Variants in C10orf90 observed in about 807,000 individuals in gnomAD.
C10orf90 encodes chromosome 10 open reading frame 90, also known as (E2-independent) E3 ubiquitin-conjugating enzyme FATS.
A neutral mutation model predicts 62.5 loss-of-function variants in C10orf90; 56 were observed. The ratio of observed to expected loss-of-function variants is 0.90; its 90% confidence interval spans 0.72 to 1.12. The LOEUF (loss-of-function observed/expected upper bound fraction) is 1.12. C10orf90 is among the 50% of genes most tolerant of loss of function. The pLI, the probability that C10orf90 is intolerant of heterozygous loss-of-function variation, is 0.00. For missense variants in C10orf90, 970 were observed against 880.4 expected (o/e 1.10, Z -1.29); for synonymous variants, 386 against 340.4 (o/e 1.13, Z -1.47).
At chr10:126,526,343 C>T (rs1037400662) in intron 2 of C10orf90, among the ~76,000 whole-genome samples, 4 of 151,632 alleles carry the variant, frequency 2.6e-5, no homozygotes, top group African/African-American at 7.3e-5. Context: ...CTCCCAGGCT[C>T]ACGCCATTCT....
At chr10:126,580,673 T>A (rs1844729991) in intron 2 of C10orf90, among the ~76,000 whole-genome samples, 1 of 147,136 alleles carries the variant, frequency 6.8e-6, no homozygotes, top group Non-Finnish European at 1.5e-5. Flanking sequence ...AAAAAGACAT[T>A]AAGACAAGAT....
chr10:126,473,523 G>T (rs1305513321), intron 4 of C10orf90, among the ~76,000 whole-genome samples: 2 of 152,158 alleles, frequency 1.3e-5, no homozygotes, highest in Non-Finnish European at 2.9e-5. Flanking sequence ...ATGTGGATGT[G>T]AAGGCTGGAG....
chr10:126,501,412 G>A (rs1183228598), intron 4 of C10orf90, among the ~76,000 whole-genome samples: 1 of 152,176 alleles, frequency 6.6e-6, no homozygotes, highest in East Asian at 1.9e-4. Flanking sequence ...GTAGGTGAAG[G>A]TGTGCATTTG....
chr10:126,487,824 T>A (rs1357049083), intron 4 of C10orf90, among the ~76,000 whole-genome samples: 2 of 152,144 alleles, frequency 1.3e-5, no homozygotes, highest in Non-Finnish European at 2.9e-5. Context: ...AAAGTCCAAT[T>A]TGTGAGAATC....
Position 126,523,591 on chromosome 10 carries a change from A to T in C10orf90, c.314-9652T>A, listed in dbSNP as rs575497570. The T allele has an allele frequency of 3.3e-5, 5 of 152,364 alleles. No individual in the cohort carries two copies. In the East Asian group the frequency reaches 9.6e-4, roughly 29 times the overall value. 9.4% of individuals were successfully genotyped at this position (152,364 alleles called of 1,614,324 possible). A position where few individuals can be genotyped will look rare whatever the true frequency, so the allele number is the denominator to read the frequency against. On this transcript the variant is annotated intron_variant, in intron 2 of 9. Coordinates refer to ENST00000488181, the MANE Select transcript of C10orf90 (RefSeq NM_001350921.2). The stretch of plus-strand genomic sequence containing the variant: ...TTTTGAAACCTGTGATAAAATACAC[A>T]TAAAATGTACCATGTTCATCATTTC...
Position 126,476,459 on chromosome 10 carries a change from C to T in C10orf90, c.1535-11473G>A, listed in dbSNP as rs1449918704. Among the ~76,000 whole-genome samples the T allele has an allele frequency of 3.3e-5, 5 of 152,268 alleles. No individual in the cohort carries two copies. The East Asian group carries it at 7.7e-4, about 24-fold the overall frequency. ...AGTCACTAAGAATAAATCAAGCCAC[C>T]AAAGGAGCCCGCGTCAGTGCAGGCC... is the stretch of plus-strand genomic sequence containing the variant. On this transcript the variant is annotated intron_variant, in intron 4 of 9. Transcript: ENST00000488181.
chr10:126,503,259 C>T (rs1325782110), intron 4 of C10orf90, among the ~76,000 whole-genome samples: 7 of 152,136 alleles, frequency 4.6e-5, no homozygotes, highest in Non-Finnish European at 1.5e-5. Context: ...TCAGGGCAAC[C>T]CATCCTGGGA....
Position 126,426,054 on chromosome 10 carries a change from TTTTTTC to T in C10orf90, c.2283_2288del (p.Lys762_Lys763del), listed in dbSNP as rs777386692. Reference sequence around the variant, plus strand: ...AGATCACCCTTTTCCTTTGTTCTTCTTTTTTCTTTTTAACTTCCGGCAAGTTATCAT... The same window carrying T: ...AGATCACCCTTTTCCTTTGTTCTTCTTTTTTAACTTCCGGCAAGTTATCAT... On this transcript the variant is annotated inframe_deletion, in exon 9 of 10. Transcript: ENST00000488181. The T allele has an allele frequency of 3.1e-6, 5 of 1,614,190 alleles. No individual in the cohort carries two copies. Among genetic ancestry groups the T allele is most frequent in the Non-Finnish European group, 4.2e-6 (5 of 1,180,004 alleles).
intron 4 of C10orf90, among the ~76,000 whole-genome samples, chr10:126,478,854 C>G (rs1380703072): frequency 6.6e-6 from 1 of 152,132 alleles, no homozygotes; most frequent in Non-Finnish European, 1.5e-5. Flanking sequence ...ATGGAGCTGC[C>G]TGCAGGAACT....
At chr10:126,525,964 T>G (rs983179883) in intron 2 of C10orf90, among the ~76,000 whole-genome samples, 9 of 151,010 alleles carry the variant, frequency 6.0e-5, no homozygotes, top group African/African-American at 2.2e-4. Context: ...ACCGTCCTCT[T>G]AAATGGGTAG....
chr10:126,452,044 T>A (rs1410182295), intron 7 of C10orf90, among the ~76,000 whole-genome samples: 2 of 152,156 alleles, frequency 1.3e-5, no homozygotes, highest in African/African-American at 4.8e-5. Flanking sequence ...AGCTTTTTTA[T>A]ATTTGAAAAT....
intron 2 of C10orf90, among the ~76,000 whole-genome samples, chr10:126,632,529 G>A (rs145278807): frequency 4.4e-4 from 67 of 151,976 alleles, no homozygotes; most frequent in Middle Eastern, 6.8e-3. Flanking sequence ...TCATGTAGTG[G>A]TTGTGAAAAT....
intron 1 of C10orf90, among the ~76,000 whole-genome samples, chr10:126,649,076 C>T (rs535552330): frequency 7.1e-5 from 3 of 41,970 alleles, no homozygotes; most frequent in South Asian, 2.2e-3. Context: ...CTCTCTCCCC[C>T]CCCCCCAGCA....
chr10:126,543,631 G>A (rs1256914669), intron 2 of C10orf90, among the ~76,000 whole-genome samples: 1 of 152,178 alleles, frequency 6.6e-6, no homozygotes, highest in East Asian at 1.9e-4. Context: ...GCTCATGGTG[G>A]AGACAAACAG....
At chr10:126,645,139 A>C (rs1846141452) in intron 2 of C10orf90, among the ~76,000 whole-genome samples, 2 of 151,580 alleles carry the variant, frequency 1.3e-5, no homozygotes, top group South Asian at 4.2e-4. Context: ...GAGGGATAGC[A>C]TTGGGAGGTA....
Position 126,544,974 on chromosome 10 carries a change from A to G in C10orf90, c.314-31035T>C, listed in dbSNP as rs148482220. 5.0e-3 allele frequency among the ~76,000 whole-genome samples: 757 copies of G among 152,312 alleles called. 3 individuals are homozygous for G. Among genetic ancestry groups the G allele is most frequent in the Middle Eastern group, 0.017 (5 of 294 alleles). On this transcript the variant is annotated intron_variant, in intron 2 of 9. Coordinates refer to ENST00000488181, the MANE Select transcript of C10orf90 (RefSeq NM_001350921.2). ...TCCCATCCTTGGTGTGGACAAAACG[A>G]TTTTTAAACACCACTCTTGTTTTCA...
At chr10:126,438,115 C>T (rs1858039041) in intron 7 of C10orf90, among the ~76,000 whole-genome samples, 1 of 152,196 alleles carries the variant, frequency 6.6e-6, no homozygotes, top group Non-Finnish European at 1.5e-5. Context: ...CACACGGAGA[C>T]AGCTCCAGGC....
chr10:126,465,444 A>G (rs1457497149), intron 4 of C10orf90, among the ~76,000 whole-genome samples: 1 of 151,256 alleles, frequency 6.6e-6, no homozygotes, highest in Non-Finnish European at 1.5e-5. Flanking sequence ...ATATAACAAC[A>G]TATCTATATT....
intron 2 of C10orf90, among the ~76,000 whole-genome samples, chr10:126,554,011 G>GAT (rs1270568015): frequency 6.6e-6 from 1 of 151,902 alleles, no homozygotes; most frequent in African/African-American, 2.4e-5. Flanking sequence ...TCTACTTCTA[G>GAT]ATATATATGC....
Sources: allele counts gnomAD v4.1 joint callset (sites outside exome capture counted in the v4.1 genomes callset), GRCh38; gene constraint gnomAD v4.1.1; transcripts MANE v1.5; gene names NCBI Gene and HGNC (gene_info 2026-07-23, HGNC 2026-07-21).